Variants in PTPRN2 observed in about 807,000 individuals in gnomAD.
PTPRN2 encodes the protein protein tyrosine phosphatase receptor type N2.
PTPRN2 carries 74 observed loss-of-function variants against 118.8 expected under a neutral mutation model. The ratio of observed to expected loss-of-function variants is 0.62; its 90% CI spans 0.52 to 0.76. PTPRN2 has a LOEUF of 0.76. PTPRN2 is among the 30% of genes least tolerant of loss of function. PTPRN2 has a pLI of 0.00. For missense variants in PTPRN2, 1,481 were observed against 1,394.4 expected, an observed-to-expected ratio of 1.06 and a Z score of -0.99; for synonymous variants, 641 against 608.0, an observed-to-expected ratio of 1.05 and a Z score of -0.80.
intron 1 of PTPRN2, among the ~76,000 whole-genome samples, chr7:158,562,102 A>G (rs1456579894): frequency 4.6e-5 from 7 of 152,232 alleles, no homozygotes; most frequent in Non-Finnish European, 1.5e-5. Context: ...GAACTGTAAC[A>G]GAATGCCACA....
At chr7:157,720,604 G>A (rs1248222486) in intron 12 of PTPRN2, among the ~76,000 whole-genome samples, 1 of 152,258 alleles carries the variant, frequency 6.6e-6, no homozygotes, top group Non-Finnish European at 1.5e-5. Flanking sequence ...GACCGAGGGA[G>A]TCACGTGAAT....
rs570162639 is a variant in PTPRN2, at chr7:157,940,900, C to A, written c.1724-42163G>T. ...AACGCCCCCCCATGACACTGCAAAT[C>A]TAACACCCCCCCGTGACACTGCAAA... On this transcript the variant is annotated intron_variant, in intron 11 of 22. Transcript: ENST00000389418. Among the ~76,000 whole-genome samples the A allele has an allele frequency of 4.9e-5, 2 of 40,908 alleles. 1 individual carries two copies. Among genetic ancestry groups the A allele is most frequent in the Non-Finnish European group, 7.2e-5 (2 of 27,958 alleles). 26.8% of individuals were successfully genotyped at this position (40,908 alleles called of 152,430 possible).
At chr7:158,173,397 G>T (rs1823893843) in intron 5 of PTPRN2, among the ~76,000 whole-genome samples, 1 of 152,200 alleles carries the variant, frequency 6.6e-6, no homozygotes, top group Non-Finnish European at 1.5e-5. Context: ...ATGCCCACCT[G>T]AGCCACAAAA....
At chr7:158,524,363 ATCTGCCCTGGAGTGGAG>A (rs1273600270) in intron 1 of PTPRN2, among the ~76,000 whole-genome samples, 1 of 21,430 alleles carries the variant, frequency 4.7e-5, no homozygotes, top group Admixed American at 6.4e-4. Flanking sequence ...GAGTGGAGTC[ATCTGCCCTGGAGTGGAG>A]TCTGCCCTGG....
chr7:158,304,639 T>G (rs1801147776), intron 3 of PTPRN2, among the ~76,000 whole-genome samples: 1 of 152,210 alleles, frequency 6.6e-6, no homozygotes, highest in Non-Finnish European at 1.5e-5. Flanking sequence ...AAGCAGGGTC[T>G]TCCAGGGCAT....
chr7:157,557,234 C>A (rs1238942256), intron 21 of PTPRN2, among the ~76,000 whole-genome samples: 1 of 151,216 alleles, frequency 6.6e-6, no homozygotes, highest in East Asian at 1.9e-4. Context: ...CATATGCACA[C>A]ACACACACAG....
intron 11 of PTPRN2, among the ~76,000 whole-genome samples, chr7:158,047,009 C>T (rs139741965): frequency 0.021 from 3,257 of 152,278 alleles, 57 homozygotes; most frequent in Non-Finnish European, 0.029. Context: ...CGAGCGGCTG[C>T]GAGGGAGGCC....
At chr7:157,897,977 C>G (rs1338913694) in intron 12 of PTPRN2, among the ~76,000 whole-genome samples, 3 of 152,290 alleles carry the variant, frequency 2.0e-5, no homozygotes, top group Admixed American at 6.5e-5. Flanking sequence ...CGTCCGCGCT[C>G]TGTGTGCAGT....
intron 1 of PTPRN2, among the ~76,000 whole-genome samples, chr7:158,519,239 A>C (rs774423092): frequency 2.0e-5 from 3 of 152,184 alleles, no homozygotes; most frequent in African/African-American, 7.2e-5. Flanking sequence ...GAAAACATTA[A>C]AAGAAGTCCC....
chr7:157,560,389 T>G lies in PTPRN2; in HGVS notation c.2902+8513A>C, dbSNP rs1799125330. ...GCGTGTTCCCCAAGACCAGCGGGTC[T>G]CATGCTGTCCACACGCTCCCACCAG... On this transcript the variant is annotated intron_variant, in intron 21 of 22. Coordinates refer to ENST00000389418, the MANE Select transcript of PTPRN2 (RefSeq NM_002847.5). The surrounding 1 kb of genome is among the most constrained non-coding windows in gnomAD (Gnocchi z 6.7). Among the ~76,000 whole-genome samples, 1 of 152,088 alleles carries G rather than the reference T, an allele frequency of 6.6e-6. No homozygotes were observed. The highest frequency in any genetic ancestry group is 1.5e-5 in the Non-Finnish European group (1 of 67,986).
intron 3 of PTPRN2, among the ~76,000 whole-genome samples, chr7:158,262,251 C>A (rs1797453683): frequency 6.6e-6 from 1 of 152,174 alleles, no homozygotes; most frequent in Non-Finnish European, 1.5e-5. Flanking sequence ...CACTCACACT[C>A]ACAGATGCAC....
intron 19 of PTPRN2, chr7:157,574,199 A>G: frequency 3.4e-6 from 1 of 291,378 alleles, no homozygotes; most frequent in East Asian, 6.8e-5. Context: ...ATTCACTGAG[A>G]AAGAACGATT....
chr7:158,490,177 AGCAAG>A (rs1444541783), intron 1 of PTPRN2, among the ~76,000 whole-genome samples: 1 of 152,198 alleles, frequency 6.6e-6, no homozygotes, highest in Non-Finnish European at 1.5e-5. Flanking sequence ...CGTCCCTGGA[AGCAAG>A]GCTGCCGGGC....
chr7:158,259,050 G>A (rs1465816086), intron 3 of PTPRN2, among the ~76,000 whole-genome samples: 6 of 152,192 alleles, frequency 3.9e-5, no homozygotes, highest in Non-Finnish European at 5.9e-5. Context: ...AGCAACGCCT[G>A]TGAAACCCCT....
intron 3 of PTPRN2, among the ~76,000 whole-genome samples, chr7:158,229,444 C>T (rs1042780064): frequency 2.6e-5 from 4 of 152,032 alleles, no homozygotes; most frequent in African/African-American, 9.7e-5. Flanking sequence ...TATGTGAGTT[C>T]TCGGACCAAG....
At chr7:157,540,924 G>T in intron 22 of PTPRN2, 139 bp from the exon 23 acceptor site, 1 of 684,470 alleles carries the variant, frequency 1.5e-6, no homozygotes, top group Middle Eastern at 4.1e-4. Context: ...TTCGCAGAAA[G>T]AAATTGTTTA....
chr7:157,710,425 A>G lies in PTPRN2; in HGVS notation c.1789-27488T>C, dbSNP rs555091357. On this transcript the variant is annotated intron_variant, in intron 12 of 22. Transcript: ENST00000389418. ...GAGTTTCAGACCAGGTGGCCAACAC[A>G]GTGAGACCCCATCTCTACAAACAAT... Among the ~76,000 whole-genome samples the G allele has an allele frequency of 8.7e-4, 132 of 152,240 alleles. 2 individuals are homozygous for G. Among genetic ancestry groups the G allele is most frequent in the Non-Finnish European group, 1.0e-3 (70 of 67,996 alleles).
rs1395625175 is a variant in PTPRN2 at position 158,574,402 on chromosome 7, G to C, written c.112+13156C>G. On this transcript the variant is annotated intron_variant, in intron 1 of 22. Transcript: ENST00000389418. The surrounding 1 kb of genome is among the most constrained non-coding windows in gnomAD (Gnocchi z 4.6). Reference sequence around the variant, plus strand: ...TTATAAACATACAATGAGTTCAGTAGAGCACATATATAACTTGTAAATAAG... The same window carrying C: ...TTATAAACATACAATGAGTTCAGTACAGCACATATATAACTTGTAAATAAG... Among the ~76,000 whole-genome samples, 1 of 152,104 alleles carries C rather than the reference G, an allele frequency of 6.6e-6. No homozygotes were observed. Among genetic ancestry groups the C allele is most frequent in the Non-Finnish European group, 1.5e-5 (1 of 68,026 alleles).
intron 2 of PTPRN2, among the ~76,000 whole-genome samples, chr7:158,317,690 C>T (rs780274814): frequency 1.3e-5 from 2 of 152,240 alleles, no homozygotes; most frequent in Non-Finnish European, 2.9e-5. Flanking sequence ...ACTGCTTCCA[C>T]ACAGGGCGGC....
Sources: gnomAD v4.1 joint callset for allele counts (sites outside exome capture counted in the v4.1 genomes callset) on GRCh38, gnomAD v4.1.1 for gene constraint, Gnocchi (gnomAD v3.1) non-coding constraint, MANE v1.5 for transcripts, NCBI Gene and HGNC (gene_info 2026-07-23, HGNC 2026-07-21) for gene names.